The following SLC24A2 variants were observed in gnomAD, a reference collection of about 807,000 sequenced individuals.
SLC24A2 encodes the protein sodium/potassium/calcium exchanger 2.
Under a neutral mutation model 62.0 loss-of-function variants are expected in SLC24A2, and 36 were observed. The observed-to-expected ratio is 0.58, with a 90% CI of 0.44 to 0.77. The LOEUF is 0.77. SLC24A2 is among the 30% of genes least tolerant of loss of function. SLC24A2 has a pLI of 0.00. For missense variants in SLC24A2, 846 were observed against 817.9 expected (o/e 1.03, Z -0.42); for synonymous variants, 358 against 294.0 (o/e 1.22, Z -2.23).
chr9:20,068,417 C>A, the SLC24A2 span, among the ~76,000 whole-genome samples: 1 of 152,036 alleles, frequency 6.6e-6, no homozygotes, highest in African/African-American at 2.4e-5. Context: ...AATTATTGTA[C>A]CTCTTTGAAC....
the SLC24A2 span, among the ~76,000 whole-genome samples, chr9:19,931,062 A>G: frequency 1.3e-5 from 2 of 152,218 alleles, no homozygotes; most frequent in Admixed American, 6.5e-5. Flanking sequence ...AATCATGATA[A>G]CCATAGAATG....
chr9:19,745,698 G>A (rs1821813072), intron 2 of SLC24A2, among the ~76,000 whole-genome samples: 1 of 152,088 alleles, frequency 6.6e-6, no homozygotes, highest in Non-Finnish European at 1.5e-5. Flanking sequence ...TACATGCTGG[G>A]AAAGACCTGC....
the SLC24A2 span, among the ~76,000 whole-genome samples, chr9:19,974,627 A>G: frequency 6.6e-6 from 1 of 152,202 alleles, no homozygotes. Flanking sequence ...ATTGGAAACA[A>G]TTTCAGAACA....
At chr9:20,148,165 T>G in the SLC24A2 span, among the ~76,000 whole-genome samples, 5 of 152,110 alleles carry the variant, frequency 3.3e-5, no homozygotes, top group South Asian at 1.0e-3. Context: ...TTACATCGAT[T>G]TGAAAGGGGA....
the SLC24A2 span, among the ~76,000 whole-genome samples, chr9:20,003,163 G>C: frequency 1.3e-5 from 2 of 152,322 alleles, no homozygotes; most frequent in African/African-American, 4.8e-5. Flanking sequence ...AATGTATAAA[G>C]AATGGTCACT....
In SLC24A2 at chr9:19,629,491, C is replaced by T. The variant is rs113639866; in HGVS notation, c.931-7192G>A. Among the ~76,000 whole-genome samples, 627 of 152,280 alleles carry T rather than the reference C, an allele frequency of 4.1e-3. 2 individuals are homozygous for T. The highest frequency in any genetic ancestry group is 0.014 in the African/African-American group (573 of 41,550). ...TATTTTGTCTCTTCCAGCATCATTA[C>T]TTAGAATCACTTACTATTGTCATGA... On this transcript the variant is annotated intron_variant, in intron 2 of 10. Coordinates refer to ENST00000341998, the MANE Select transcript of SLC24A2 (RefSeq NM_020344.4).
the SLC24A2 span, among the ~76,000 whole-genome samples, chr9:20,017,569 T>C: frequency 7.9e-5 from 12 of 152,246 alleles, no homozygotes; most frequent in Middle Eastern, 3.4e-3. Flanking sequence ...GATAAAGTCC[T>C]GCAACAGGTA....
intron 2 of SLC24A2, among the ~76,000 whole-genome samples, chr9:19,722,906 G>A (rs1205694783): frequency 6.6e-6 from 1 of 152,118 alleles, no homozygotes; most frequent in Non-Finnish European, 1.5e-5. Context: ...TGGAAAGACA[G>A]ATTTTGACTG....
At chr9:20,126,830 A>T in the SLC24A2 span, among the ~76,000 whole-genome samples, 1 of 152,074 alleles carries the variant, frequency 6.6e-6, no homozygotes, top group Non-Finnish European at 1.5e-5. Context: ...GAGGGGGAGA[A>T]TGTAGTGCCA....
the SLC24A2 span, among the ~76,000 whole-genome samples, chr9:20,267,123 T>C: frequency 6.6e-6 from 1 of 151,912 alleles, no homozygotes; most frequent in Non-Finnish European, 1.5e-5. Flanking sequence ...ACAGAATACT[T>C]TTGAAACAAA....
the SLC24A2 span, among the ~76,000 whole-genome samples, chr9:20,135,354 T>A: frequency 8.9e-6 from 1 of 111,804 alleles, no homozygotes; most frequent in Non-Finnish European, 1.7e-5. Flanking sequence ...TAATTACAAT[T>A]TAAAATTTTA....
chr9:19,959,069 T>G, the SLC24A2 span, among the ~76,000 whole-genome samples: 1 of 152,150 alleles, frequency 6.6e-6, no homozygotes, highest in South Asian at 2.1e-4. Flanking sequence ...AGATCCACAC[T>G]TTGCTTTTCG....
At chr9:19,594,114 TCTC>T (rs774992584) in intron 5 of SLC24A2, among the ~76,000 whole-genome samples, 2 of 151,932 alleles carry the variant, frequency 1.3e-5, no homozygotes, top group African/African-American at 4.8e-5. Context: ...CTCCACAAAA[TCTC>T]CTCCCACACC....
chr9:19,771,718 G>C (rs1822695707), intron 2 of SLC24A2, among the ~76,000 whole-genome samples: 1 of 152,194 alleles, frequency 6.6e-6, no homozygotes, highest in African/African-American at 2.4e-5. Context: ...TGATCATGTG[G>C]TTAAGTTCTC....
chr9:19,874,079 T>C, the SLC24A2 span, among the ~76,000 whole-genome samples: 6 of 43,438 alleles, frequency 1.4e-4, no homozygotes, highest in East Asian at 1.8e-3. Context: ...TCTTTTCTTT[T>C]TTTTTTTTTT....
At chr9:19,994,019 T>C in the SLC24A2 span, among the ~76,000 whole-genome samples, 5 of 152,232 alleles carry the variant, frequency 3.3e-5, no homozygotes, top group South Asian at 1.0e-3. Flanking sequence ...GAAACTGAGG[T>C]AAAGATAGAC....
chr9:19,636,364 T>A lies in SLC24A2; in HGVS notation c.931-14065A>T, dbSNP rs1377632537. The stretch of plus-strand genomic sequence containing the variant: ...CTTTCTTTCTTTCTTTCTTTCTTTC[T>A]TTCTTTCTTTCTTTCTTTCTTTCTC... On this transcript the variant is annotated intron_variant, in intron 2 of 10. Transcript: ENST00000341998. 1.0e-4 allele frequency among the ~76,000 whole-genome samples: 4 copies of A among 38,568 alleles called. 1 individual carries two copies. The highest frequency in any genetic ancestry group is 4.8e-4 in the African/African-American group (4 of 8,342). The allele number at this position is 38,568 out of a possible 152,430, so 25.3% of individuals were successfully genotyped here.
chr9:19,692,180 T>C (rs1820063998), intron 2 of SLC24A2, among the ~76,000 whole-genome samples: 1 of 152,128 alleles, frequency 6.6e-6, no homozygotes, highest in African/African-American at 2.4e-5. Flanking sequence ...AAGTATAATT[T>C]AAAAAATTCT....
the SLC24A2 span, among the ~76,000 whole-genome samples, chr9:19,817,403 A>G: frequency 6.6e-6 from 1 of 152,066 alleles, no homozygotes; most frequent in Non-Finnish European, 1.5e-5. Context: ...AATTTGGGTT[A>G]ACTGATCATT....
Sources: gnomAD v4.1 joint callset for allele counts (sites outside exome capture counted in the v4.1 genomes callset) on GRCh38, gnomAD v4.1.1 for gene constraint, MANE v1.5 for transcripts, NCBI Gene and HGNC (gene_info 2026-07-23, HGNC 2026-07-21) for gene names.